TFDP2: variants seen among roughly 807,000 people sequenced by gnomAD.
TFDP2 encodes the protein transcription factor Dp-2.
A neutral mutation model predicts 59.3 loss-of-function variants in TFDP2; 17 were observed. The ratio of observed to expected loss-of-function variants is 0.29; its 90% CI spans 0.20 to 0.43. The LOEUF is 0.43. Ranked by LOEUF, TFDP2 falls within the 20% of genes least tolerant of loss-of-function variation. The probability of loss-of-function intolerance (pLI) is 1.00; values close to 1 mark genes in which losing one functional copy is unlikely to be tolerated. For missense variants in TFDP2, 391 were observed against 528.8 expected, an observed-to-expected ratio of 0.74 and a Z score of 2.56; for synonymous variants, 180 against 194.7, an observed-to-expected ratio of 0.92 and a Z score of 0.63.
rs551874074 is a variant in TFDP2, at chr3:142,039,799, C to G, written c.83-34255G>C. On this transcript the variant is annotated intron_variant, in intron 3 of 12. Transcript: ENST00000489671. ...GGCAAGGATATGAATAGAGACTCCC[C>G]CTCTGTGATGGAGGCATGATGGGAC... Among the ~76,000 whole-genome samples the G allele has an allele frequency of 1.4e-4, 22 of 152,240 alleles. No homozygotes were observed. In the East Asian group the frequency reaches 2.3e-3, roughly 16 times the overall value.
At chr3:142,008,771 C>A (rs1236627980) in intron 3 of TFDP2, among the ~76,000 whole-genome samples, 1 of 152,114 alleles carries the variant, frequency 6.6e-6, no homozygotes, top group East Asian at 1.9e-4. Flanking sequence ...CACATACACA[C>A]TGTTGTCCTA....
At chr3:142,052,062 G>T (rs984827649) in intron 3 of TFDP2, among the ~76,000 whole-genome samples, 1 of 151,938 alleles carries the variant, frequency 6.6e-6, no homozygotes, top group African/African-American at 2.4e-5. Context: ...GGAGGTCAAG[G>T]CTTCAGTGAG....
intron 3 of TFDP2, among the ~76,000 whole-genome samples, chr3:142,025,298 C>T (rs1388232639): frequency 6.6e-6 from 1 of 152,172 alleles, no homozygotes; most frequent in African/African-American, 2.4e-5. Flanking sequence ...CTCTTCTCAA[C>T]CATAATTTGA....
chr3:142,030,548 C>A (rs1560063875), intron 3 of TFDP2, among the ~76,000 whole-genome samples: 3 of 152,160 alleles, frequency 2.0e-5, no homozygotes. Context: ...CATTCTTGAT[C>A]ATCTTACCAG....
intron 3 of TFDP2, among the ~76,000 whole-genome samples, chr3:142,060,726 T>C (rs372198545): frequency 3.9e-5 from 6 of 152,074 alleles, no homozygotes; most frequent in African/African-American, 1.4e-4. Context: ...ACATGGAGGG[T>C]TAGGAGTAAG....
In TFDP2 at chr3:141,952,367, G is replaced by A. The variant is rs1936019737; in HGVS notation, c.*146C>T. ...TCATCTCAATCATCTCAGCCTTCATGTGATTTGCTTATTGTGTTTCTCTAG... is the reference window on the plus strand; with the variant it reads ...TCATCTCAATCATCTCAGCCTTCATATGATTTGCTTATTGTGTTTCTCTAG... On this transcript the variant is annotated 3_prime_UTR_variant, in exon 13 of 13. Coordinates refer to ENST00000489671, the MANE Select transcript of TFDP2 (RefSeq NM_001178139.2). The A allele has an allele frequency of 1.0e-5, 7 of 695,518 alleles. No individual in the cohort carries two copies. In the Admixed American group the frequency reaches 2.2e-4, roughly 22 times the overall value. The allele number at this position is 695,518 out of a possible 1,614,324, so 43.1% of individuals were successfully genotyped here. A position where few individuals can be genotyped will look rare whatever the true frequency, so the allele number is the denominator to read the frequency against.
At chr3:141,964,130 C>G (rs1396357017) in intron 9 of TFDP2, among the ~76,000 whole-genome samples, 167 bp from the exon 10 acceptor site, 1 of 151,900 alleles carries the variant, frequency 6.6e-6, no homozygotes, top group Non-Finnish European at 1.5e-5. Context: ...AAAGAATGAT[C>G]CAACTCAATA....
At chr3:141,978,484 C>A in intron 7 of TFDP2, 36 bp downstream of exon 7, 1 of 1,583,806 alleles carries the variant, frequency 6.3e-7, no homozygotes, top group South Asian at 1.2e-5. Context: ...GTAGCATCAT[C>A]CATCAAAATC....
intron 1 of TFDP2, among the ~76,000 whole-genome samples, chr3:142,138,696 T>A (rs1436888381): frequency 6.6e-6 from 1 of 152,250 alleles, no homozygotes; most frequent in African/African-American, 2.4e-5. Flanking sequence ...AGTTTCTTAA[T>A]CCTGAGTTCT....
chr3:142,125,672 T>A (rs73236013), intron 1 of TFDP2, among the ~76,000 whole-genome samples: 12,660 of 152,280 alleles, frequency 0.083, 654 homozygotes, highest in Middle Eastern at 0.14. Flanking sequence ...CAGTATAAAC[T>A]GTTCTGTGAA....
intron 6 of TFDP2, among the ~76,000 whole-genome samples, chr3:141,979,566 C>T (rs1028098690): frequency 6.6e-6 from 1 of 151,996 alleles, no homozygotes; most frequent in Non-Finnish European, 1.5e-5. Context: ...ATCTTGACCC[C>T]CCTGTAGGCC....
At chr3:141,971,726 C>G (rs1939793948) in intron 8 of TFDP2, among the ~76,000 whole-genome samples, 1 of 152,170 alleles carries the variant, frequency 6.6e-6, no homozygotes, top group South Asian at 2.1e-4. Flanking sequence ...ACTACCCAAA[C>G]AGGCCAGTTG....
chr3:142,020,279 T>TA (rs1945484511), intron 3 of TFDP2, among the ~76,000 whole-genome samples: 1 of 152,190 alleles, frequency 6.6e-6, no homozygotes, highest in Non-Finnish European at 1.5e-5. Flanking sequence ...CTCACGTCTG[T>TA]AATCCCAGCA....
intron 3 of TFDP2, among the ~76,000 whole-genome samples, chr3:142,053,377 C>T (rs898860651): frequency 5.3e-5 from 8 of 152,076 alleles, no homozygotes; most frequent in Non-Finnish European, 1.0e-4. Context: ...CTCTCTTGCT[C>T]CCTCTCTTGC....
At chr3:141,956,151 A>C (rs1025530545) in intron 11 of TFDP2, among the ~76,000 whole-genome samples, 2 of 152,222 alleles carry the variant, frequency 1.3e-5, no homozygotes, top group Non-Finnish European at 1.5e-5. Context: ...TATTTTCAGG[A>C]ATTAGGAAAA....
At chr3:142,110,892 G>A (rs1375042760) in intron 1 of TFDP2, among the ~76,000 whole-genome samples, 2 of 151,830 alleles carry the variant, frequency 1.3e-5, no homozygotes, top group African/African-American at 2.4e-5. Context: ...GGTAGAGGCT[G>A]CAGTGAGCCA....
intron 3 of TFDP2, among the ~76,000 whole-genome samples, chr3:142,055,525 C>T (rs1190507770): frequency 2.0e-5 from 3 of 152,128 alleles, no homozygotes; most frequent in Non-Finnish European, 4.4e-5. Context: ...ATAAGAAAAT[C>T]GACATTTTGA....
chr3:141,949,305 T>G lies in TFDP2; in HGVS notation c.*3208A>C, dbSNP rs77409449. ...AGAATTAAATTGAAGGACGCCAAAC[T>G]TGTGGCCATTGTCTGTAGTTTCTCG... is the stretch of plus-strand genomic sequence containing the variant. On this transcript the variant is annotated 3_prime_UTR_variant, in exon 13 of 13. Transcript: ENST00000489671. 6.6e-6 allele frequency: 1 copy of G among 152,228 alleles called. No homozygotes were observed. The highest frequency in any genetic ancestry group is 2.1e-4 in the South Asian group (1 of 4,810). The allele number at this position is 152,228 out of a possible 1,614,324, so 9.4% of individuals were successfully genotyped here. A position where few individuals can be genotyped will look rare whatever the true frequency, so the allele number is the denominator to read the frequency against.
chr3:141,956,941 C>CG (rs1375216299), intron 11 of TFDP2, among the ~76,000 whole-genome samples: 4 of 12,418 alleles, frequency 3.2e-4, no homozygotes, highest in Non-Finnish European at 4.7e-4. Context: ...CCCTGCCCCA[C>CG]CCCCCCCACA....
Sources: allele counts gnomAD v4.1 joint callset (sites outside exome capture counted in the v4.1 genomes callset), GRCh38; gene constraint gnomAD v4.1.1; transcripts MANE v1.5; gene names NCBI Gene and HGNC (gene_info 2026-07-23, HGNC 2026-07-21).